The following AFAP1 variants were observed in gnomAD, a reference collection of about 807,000 sequenced individuals.
AFAP1 encodes the protein actin filament-associated protein 1.
In AFAP1, 75 loss-of-function variants were observed where a neutral mutation model predicts 93.9. That is an observed-to-expected ratio of 0.80 (90% CI 0.66 to 0.97). The LOEUF (loss-of-function observed/expected upper bound fraction) is 0.97, where lower values mean the gene tolerates loss of function less well. AFAP1 is among the 50% of genes least tolerant of loss of function. AFAP1 has a pLI of 0.00. For missense variants in AFAP1, 1,201 were observed against 1,050.8 expected, an observed-to-expected ratio of 1.14 and a Z score of -1.98; for synonymous variants, 517 against 430.7, an observed-to-expected ratio of 1.20 and a Z score of -2.48.
chr4:7,872,631 G>A (rs1464782617), intron 1 of AFAP1, among the ~76,000 whole-genome samples: 1 of 152,218 alleles, frequency 6.6e-6, no homozygotes, highest in Admixed American at 6.5e-5. Flanking sequence ...CTTCTAGAAT[G>A]ATGGTAGACT....
At chr4:7,770,466 A>C (rs1715276884) in intron 16 of AFAP1, among the ~76,000 whole-genome samples, 1 of 152,178 alleles carries the variant, frequency 6.6e-6, no homozygotes, top group Non-Finnish European at 1.5e-5. Context: ...GGGGCAGAGG[A>C]CACTGCAAGC....
rs80283325 is a variant in AFAP1 at position 7,896,868 on chromosome 4, C to G, written c.-2-24788G>C. On this transcript the variant is annotated intron_variant, in intron 1 of 17. Coordinates refer to ENST00000420658, the MANE Select transcript of AFAP1 (RefSeq NM_001134647.2). Reference sequence around the variant, plus strand: ...TCAGTCCCCATTCCCCACCCCAGCCCCCAACCGCCCGGCAGCACATGATGC... The same window carrying G: ...TCAGTCCCCATTCCCCACCCCAGCCGCCAACCGCCCGGCAGCACATGATGC... 2.6e-4 allele frequency among the ~76,000 whole-genome samples: 40 copies of G among 151,790 alleles called. 2 individuals are homozygous for G. The East Asian group carries it at 7.8e-3, about 30-fold the overall frequency.
intron 1 of AFAP1, among the ~76,000 whole-genome samples, chr4:7,874,530 A>ATTTTTTTTTT (rs71175435): frequency 1.4e-4 from 7 of 51,508 alleles, no homozygotes; most frequent in South Asian, 8.6e-4. Flanking sequence ...TGCCCAGCTA[A>ATTTTTTTTTT]TTTTTTTTTT....
At chr4:7,835,960 A>C (rs1271298630) in intron 6 of AFAP1, among the ~76,000 whole-genome samples, 2 of 152,168 alleles carry the variant, frequency 1.3e-5, no homozygotes, top group African/African-American at 4.8e-5. Context: ...AACACCCCCA[A>C]GTGTGCGGGA....
In AFAP1 at chr4:7,761,269, G is replaced by GGCCCCTCCAGGGC. The variant is rs2148927209; in HGVS notation, c.*2483_*2495dup. The stretch of plus-strand genomic sequence containing the variant: ...CCGCCATGGAAGGAACCCACTGTCA[G>GGCCCCTCCAGGGC]GCCCCTCCAGGGCACCCATTTTGAA... On this transcript the variant is annotated 3_prime_UTR_variant, in exon 18 of 18. Coordinates refer to ENST00000420658, the MANE Select transcript of AFAP1 (RefSeq NM_001134647.2). 6.6e-6 allele frequency: 1 copy of GGCCCCTCCAGGGC among 152,378 alleles called. No individual in the cohort carries two copies. The highest frequency in any genetic ancestry group is 2.1e-4 in the South Asian group (1 of 4,834). The allele number at this position is 152,378 out of a possible 1,614,324, so 9.4% of individuals were successfully genotyped here. A position where few individuals can be genotyped will look rare whatever the true frequency, so the allele number is the denominator to read the frequency against.
chr4:7,907,914 C>T (rs1211400900), intron 1 of AFAP1, among the ~76,000 whole-genome samples: 2 of 152,108 alleles, frequency 1.3e-5, no homozygotes, highest in African/African-American at 4.8e-5. Context: ...AAGTTAAGTG[C>T]TACCCACAGA....
intron 12 of AFAP1, among the ~76,000 whole-genome samples, chr4:7,784,191 C>T (rs902732560): frequency 6.6e-6 from 1 of 152,102 alleles, no homozygotes; most frequent in Non-Finnish European, 1.5e-5. Context: ...GGAGGATTGG[C>T]TGAGGGGGAA....
intron 7 of AFAP1, among the ~76,000 whole-genome samples, chr4:7,818,489 T>C (rs538858996): frequency 2.0e-5 from 3 of 152,204 alleles, no homozygotes; most frequent in African/African-American, 4.8e-5. Context: ...GAAGGTTTCA[T>C]GGCAGGAAGC....
chr4:7,866,806 G>A (rs7376880), intron 3 of AFAP1, among the ~76,000 whole-genome samples: 48,377 of 151,182 alleles, frequency 0.32, 8,042 homozygotes, highest in South Asian at 0.45. Flanking sequence ...GGGGACCAAG[G>A]CAGGAGGATC....
At chr4:7,890,481 ACAG>A in intron 1 of AFAP1, among the ~76,000 whole-genome samples, 1 of 152,372 alleles carries the variant, frequency 6.6e-6, no homozygotes, top group East Asian at 1.9e-4. Flanking sequence ...GAGATTTCTT[ACAG>A]CAGAAGTACT....
At chr4:7,938,252 A>AGCC (rs1721510131) in intron 1 of AFAP1, among the ~76,000 whole-genome samples, 2 of 152,122 alleles carry the variant, frequency 1.3e-5, no homozygotes, top group African/African-American at 4.8e-5. Context: ...CAGCTGCGGT[A>AGCC]ATTAGCTCAG....
At chr4:7,773,254 C>T (rs943896186) in intron 15 of AFAP1, 31 of 517,624 alleles carry the variant, frequency 6.0e-5, no homozygotes, top group African/African-American at 4.3e-4. Context: ...CTGATTCTGA[C>T]GAAGGCCAGG....
At position 7,759,210 on chromosome 4, in the gene AFAP1, C is replaced by T. The variant is rs78725170; in HGVS notation, c.*4555G>A. On this transcript the variant is annotated 3_prime_UTR_variant, in exon 18 of 18. Coordinates refer to ENST00000420658, the MANE Select transcript of AFAP1 (RefSeq NM_001134647.2). ...CAAAAAGATTATCTCATTAAAAACA[C>T]CTTTGGTCCTAAGACTTATGATCTG... 14 of 152,746 alleles carry T rather than the reference C, an allele frequency of 9.2e-5. No individual in the cohort carries two copies. In the East Asian group the frequency reaches 2.7e-3, roughly 29 times the overall value. The allele number at this position is 152,746 out of a possible 1,614,324, so 9.5% of individuals were successfully genotyped here.
chr4:7,914,803 G>C (rs990960476), intron 1 of AFAP1, among the ~76,000 whole-genome samples: 1 of 152,120 alleles, frequency 6.6e-6, no homozygotes, highest in African/African-American at 2.4e-5. Flanking sequence ...GAGTACAGTG[G>C]CGCGATCTCA....
intron 1 of AFAP1, among the ~76,000 whole-genome samples, chr4:7,872,938 TTAAAAA>T (rs1336201433): frequency 3.7e-5 from 5 of 135,924 alleles, no homozygotes; most frequent in South Asian, 2.6e-4. Context: ...TTTTTTTTTT[TTAAAAA>T]AAAAAAAAAA....
At chr4:7,823,656 CAAG>C (rs1721173367) in intron 6 of AFAP1, among the ~76,000 whole-genome samples, 1 of 152,198 alleles carries the variant, frequency 6.6e-6, no homozygotes, top group South Asian at 2.1e-4. Context: ...ATCGCCTTTC[CAAG>C]AAGCTTTCCT....
intron 12 of AFAP1, among the ~76,000 whole-genome samples, chr4:7,784,983 C>T (rs1717127537): frequency 6.6e-6 from 1 of 152,120 alleles, no homozygotes; most frequent in Non-Finnish European, 1.5e-5. Flanking sequence ...CCTTGGAAAA[C>T]ATAACAATAA....
At chr4:7,934,989 T>C (rs1293213615) in intron 1 of AFAP1, among the ~76,000 whole-genome samples, 1 of 152,196 alleles carries the variant, frequency 6.6e-6, no homozygotes, top group Non-Finnish European at 1.5e-5. Context: ...AACACAAATT[T>C]GATGTTCCCC....
chr4:7,859,775 C>T (rs542079533), intron 3 of AFAP1, among the ~76,000 whole-genome samples: 48 of 152,204 alleles, frequency 3.2e-4, no homozygotes, highest in South Asian at 1.4e-3. Flanking sequence ...ACAGTACTGG[C>T]CGTAATTTTA....
Sources: gnomAD v4.1 joint callset for allele counts (sites outside exome capture counted in the v4.1 genomes callset) on GRCh38, gnomAD v4.1.1 for gene constraint, MANE v1.5 for transcripts, NCBI Gene and HGNC (gene_info 2026-07-23, HGNC 2026-07-21) for gene names.